Variants in MCPH1 observed in about 807,000 individuals in gnomAD.
The protein encoded by MCPH1 is microcephalin 1, also known as microcephalin.
MCPH1 carries 104 observed loss-of-function variants against 84.5 expected under a neutral mutation model. The observed-to-expected ratio is 1.23, with a 90% CI of 1.05 to 1.45. The LOEUF is 1.45. MCPH1 is among the 40% of genes most tolerant of loss of function. The probability of loss-of-function intolerance (pLI) is 0.00; values close to 1 mark genes in which losing one functional copy is unlikely to be tolerated. For synonymous variants in MCPH1, 514 were observed against 366.8 expected, an observed-to-expected ratio of 1.40 and a Z score of -4.58; for missense variants, 1,498 against 1,005.7, an observed-to-expected ratio of 1.49 and a Z score of -6.62.
intron 12 of MCPH1, among the ~76,000 whole-genome samples, chr8:6,604,169 C>A (rs550884156): frequency 1.4e-5 from 2 of 145,102 alleles, no homozygotes; most frequent in Non-Finnish European, 3.1e-5. Context: ...TGTCATAGGC[C>A]GCAGCCAAGT....
chr8:6,523,369 G>C (rs1383437559), intron 12 of MCPH1, among the ~76,000 whole-genome samples: 1 of 152,090 alleles, frequency 6.6e-6, no homozygotes, highest in Non-Finnish European at 1.5e-5. Context: ...CTTTATTAAT[G>C]GTTATATAGT....
At chr8:6,527,755 C>A in intron 12 of MCPH1, 1 of 1,288,858 alleles carries the variant, frequency 7.8e-7, no homozygotes, top group Non-Finnish European at 1.1e-6. Context: ...ATTAAAGTAC[C>A]CAAGCTACAG....
At chr8:6,561,770 T>G (rs1825579543) in intron 12 of MCPH1, among the ~76,000 whole-genome samples, 1 of 150,468 alleles carries the variant, frequency 6.6e-6, no homozygotes, top group South Asian at 2.3e-4. Context: ...ATAGCTCCCA[T>G]GTTTACATGT....
chr8:6,502,709 T>C (rs1185600427), intron 12 of MCPH1: 1 of 204,600 alleles, frequency 4.9e-6, no homozygotes, highest in African/African-American at 2.3e-5. Context: ...TAAACAGTGC[T>C]CAGAAGAATG....
At chr8:6,642,915 A>G in intron 13 of MCPH1, 79 bp from the exon 14 acceptor site, 1 of 1,297,520 alleles carries the variant, frequency 7.7e-7, no homozygotes. Flanking sequence ...ATATAGTTTC[A>G]TGTATATACA....
chr8:6,545,762 T>C (rs929470511), intron 12 of MCPH1, among the ~76,000 whole-genome samples: 2 of 152,206 alleles, frequency 1.3e-5, no homozygotes, highest in Non-Finnish European at 2.9e-5. Flanking sequence ...GCTTCAAGTA[T>C]AGGAAGAAAA....
At chr8:6,580,384 T>G (rs1395583526) in intron 12 of MCPH1, among the ~76,000 whole-genome samples, 1 of 152,168 alleles carries the variant, frequency 6.6e-6, no homozygotes, top group African/African-American at 2.4e-5. Context: ...GGGCCAGGCA[T>G]GGTGGTTCAT....
At chr8:6,514,819 C>A (rs779579363) in intron 12 of MCPH1, 71 of 1,557,470 alleles carry the variant, frequency 4.6e-5, no homozygotes, top group East Asian at 1.1e-4. Flanking sequence ...AGAGCCCCCC[C>A]ACTCCCCCCT....
In MCPH1 at chr8:6,444,488, A is replaced by G; in HGVS notation, c.766A>G (p.Asn256Asp). The change falls in exon 8 of 14, where the codon AAT becomes GAT. Residue 256 changes from asparagine to aspartate, a missense_variant. Coordinates refer to ENST00000344683, the MANE Select transcript of MCPH1 (RefSeq NM_024596.5). ...GGAAAGGAAGTTGGAAGGATCCATTAATGACATTAAAAGTGATGTGTGTAT... is the reference window on the plus strand; with the variant it reads ...GGAAAGGAAGTTGGAAGGATCCATTGATGACATTAAAAGTGATGTGTGTAT... ...NQERKLEGSI[N>D]DIKSDVCISS... The G allele has an allele frequency of 6.2e-7, 1 of 1,614,180 alleles. No homozygotes were observed. The highest frequency in any genetic ancestry group is 8.5e-7 in the Non-Finnish European group (1 of 1,180,024).
At chr8:6,489,486 G>C (rs13281967) in intron 11 of MCPH1, among the ~76,000 whole-genome samples, 26,770 of 152,180 alleles carry the variant, frequency 0.18, 2,509 homozygotes, top group Middle Eastern at 0.29. Context: ...GATTTCTTCA[G>C]GTGGATGTTG....
intron 13 of MCPH1, chr8:6,627,225 T>C: frequency 2.0e-6 from 2 of 985,368 alleles, no homozygotes; most frequent in Non-Finnish European, 2.4e-6. Context: ...TCAGTAGATA[T>C]GTGAGGCTTG....
rs1258738479 is a variant in MCPH1, at chr8:6,592,638, T to G, written c.2215-28816T>G. ...TCTTTTTTTTGTTTTTTTTTTTTTTTTTTTTGTTGCTGTTGTTGTTTGTTT... is the reference window on the plus strand; with the variant it reads ...TCTTTTTTTTGTTTTTTTTTTTTTTGTTTTTGTTGCTGTTGTTGTTTGTTT... On this transcript the variant is annotated intron_variant, in intron 12 of 13. Coordinates refer to ENST00000344683, the MANE Select transcript of MCPH1 (RefSeq NM_024596.5). Among the ~76,000 whole-genome samples the G allele has an allele frequency of 7.5e-3, 952 of 127,500 alleles. 12 individuals are homozygous for G. The highest frequency in any genetic ancestry group is 0.024 in the African/African-American group (854 of 35,310). 83.6% of individuals were successfully genotyped at this position (127,500 alleles called of 152,430 possible).
At chr8:6,504,417 C>T (rs1247633207) in intron 12 of MCPH1, among the ~76,000 whole-genome samples, 1 of 151,424 alleles carries the variant, frequency 6.6e-6, no homozygotes, top group Non-Finnish European at 1.5e-5. Flanking sequence ...CCTCCCAGAA[C>T]ATGAATAATC....
intron 12 of MCPH1, among the ~76,000 whole-genome samples, chr8:6,560,908 A>G (rs1040671239): frequency 2.6e-5 from 4 of 152,194 alleles, no homozygotes; most frequent in Non-Finnish European, 4.4e-5. Context: ...GCATTCTTTT[A>G]TGTTTCCTGG....
intron 9 of MCPH1, among the ~76,000 whole-genome samples, chr8:6,466,187 A>G (rs1287052941): frequency 7.6e-6 from 1 of 131,348 alleles, no homozygotes; most frequent in Non-Finnish European, 1.6e-5. Context: ...GCCAGGCTGG[A>G]GTGCAGTTGC....
chr8:6,468,725 G>A (rs150701483), intron 9 of MCPH1, among the ~76,000 whole-genome samples: 389 of 150,410 alleles, frequency 2.6e-3, no homozygotes, highest in African/African-American at 7.6e-3. Context: ...TACTGGTGCT[G>A]TATGGATCAC....
At chr8:6,466,983 T>C (rs1807059786) in intron 9 of MCPH1, among the ~76,000 whole-genome samples, 1 of 152,250 alleles carries the variant, frequency 6.6e-6, no homozygotes, top group African/African-American at 2.4e-5. Flanking sequence ...TATTTGATAT[T>C]AATCCAGGGT....
chr8:6,612,506 T>C (rs1170404819), intron 12 of MCPH1, among the ~76,000 whole-genome samples: 1 of 152,200 alleles, frequency 6.6e-6, no homozygotes, highest in African/African-American at 2.4e-5. Flanking sequence ...CCCCGACCCG[T>C]GCTCTTCAGC....
chr8:6,538,879 A>G (rs1399390024), intron 12 of MCPH1, among the ~76,000 whole-genome samples: 2 of 152,226 alleles, frequency 1.3e-5, no homozygotes, highest in African/African-American at 2.4e-5. Flanking sequence ...TGAGTGTAAG[A>G]TTATTAAATC....
Sources: allele counts gnomAD v4.1 joint callset (sites outside exome capture counted in the v4.1 genomes callset), GRCh38; gene constraint gnomAD v4.1.1; transcripts MANE v1.5; gene names NCBI Gene and HGNC (gene_info 2026-07-23, HGNC 2026-07-21).